Variants in SRGAP1 observed in about 807,000 individuals in gnomAD.
SRGAP1 encodes SLIT-ROBO Rho GTPase activating protein 1, also known as SLIT-ROBO Rho GTPase-activating protein 1.
A neutral mutation model predicts 121.9 loss-of-function variants in SRGAP1; 43 were observed. The ratio of observed to expected loss-of-function variants is 0.35; its 90% CI spans 0.28 to 0.46. The LOEUF (loss-of-function observed/expected upper bound fraction) is 0.46. Among genes scored for constraint, SRGAP1 ranks in the 20% least tolerant of loss-of-function variants. The probability of loss-of-function intolerance (pLI) is 1.00; values close to 1 mark genes in which losing one functional copy is unlikely to be tolerated. For synonymous variants in SRGAP1, 447 were observed against 485.4 expected (o/e 0.92, Z 1.04); for missense variants, 1,102 against 1,350.9 (o/e 0.82, Z 2.89).
chr12:63,931,318 T>G (rs1170545960), intron 1 of SRGAP1, among the ~76,000 whole-genome samples: 1 of 152,208 alleles, frequency 6.6e-6, no homozygotes, highest in Non-Finnish European at 1.5e-5. Context: ...CTAAATGGAT[T>G]AAAATTGCCT....
chr12:64,043,070 G>A lies in SRGAP1; in HGVS notation c.672+98G>A, dbSNP rs773463774. 3 of 849,680 alleles carry A rather than the reference G, an allele frequency of 3.5e-6. No homozygotes were observed. In the African/African-American group the frequency reaches 5.1e-5, roughly 14 times the overall value. 52.6% of individuals were successfully genotyped at this position (849,680 alleles called of 1,614,324 possible). Reference sequence around the variant, plus strand: ...TGATATCCACACATTGTAAGTTATTGTGAAAAGACATGCATTTCCTCCCAT... The same window carrying A: ...TGATATCCACACATTGTAAGTTATTATGAAAAGACATGCATTTCCTCCCAT... On this transcript the variant is annotated intron_variant, in intron 5 of 21. Coordinates refer to ENST00000355086, the MANE Select transcript of SRGAP1 (RefSeq NM_020762.4).
At chr12:64,040,467 C>T (rs1347264005) in intron 4 of SRGAP1, among the ~76,000 whole-genome samples, 1 of 152,082 alleles carries the variant, frequency 6.6e-6, no homozygotes, top group Non-Finnish European at 1.5e-5. Context: ...CACTGGGTGC[C>T]GAGTTCGGGT....
chr12:64,134,811 G>T (rs1280426979), intron 21 of SRGAP1, among the ~76,000 whole-genome samples: 5 of 152,070 alleles, frequency 3.3e-5, no homozygotes. Flanking sequence ...TCCCATGCCT[G>T]TTATCCAGAT....
At chr12:63,861,775 C>T (rs1387243772) in intron 1 of SRGAP1, among the ~76,000 whole-genome samples, 2 of 151,980 alleles carry the variant, frequency 1.3e-5, no homozygotes, top group Non-Finnish European at 2.9e-5. Flanking sequence ...TTGCTTGAGT[C>T]CAGGAATTTG....
intron 11 of SRGAP1, among the ~76,000 whole-genome samples, chr12:64,088,375 C>CTG (rs1266772676): frequency 6.6e-6 from 1 of 152,134 alleles, no homozygotes; most frequent in African/African-American, 2.4e-5. Context: ...ATTATAATTA[C>CTG]TGTAAGGCAC....
chr12:63,950,914 T>C (rs2032269091), intron 1 of SRGAP1, among the ~76,000 whole-genome samples: 1 of 151,526 alleles, frequency 6.6e-6, no homozygotes, highest in Non-Finnish European at 1.5e-5. Flanking sequence ...CATTATGCAT[T>C]AGTTGCCCCA....
chr12:64,107,820 T>C (rs2036369087), intron 15 of SRGAP1, among the ~76,000 whole-genome samples: 1 of 152,168 alleles, frequency 6.6e-6, no homozygotes, highest in African/African-American at 2.4e-5. Flanking sequence ...TTGGAAATAT[T>C]TTCTCAAATG....
chr12:63,990,701 C>T (rs1406638741), intron 3 of SRGAP1, among the ~76,000 whole-genome samples: 1 of 152,246 alleles, frequency 6.6e-6, no homozygotes, highest in African/African-American at 2.4e-5. Flanking sequence ...TGTACCTCTG[C>T]CCAGGAACGG....
At chr12:63,987,785 G>GA (rs1593008479) in intron 2 of SRGAP1, among the ~76,000 whole-genome samples, 1 of 152,272 alleles carries the variant, frequency 6.6e-6, no homozygotes, top group East Asian at 1.9e-4. Context: ...TAGTAATAAG[G>GA]ATTAAGTAGA....
At chr12:64,027,831 C>T (rs750802698) in intron 4 of SRGAP1, among the ~76,000 whole-genome samples, 1 of 151,508 alleles carries the variant, frequency 6.6e-6, no homozygotes, top group Non-Finnish European at 1.5e-5. Flanking sequence ...TGTCAATTTC[C>T]GAACCACTTT....
chr12:64,044,966 C>T (rs139192564), intron 6 of SRGAP1, among the ~76,000 whole-genome samples: 105 of 152,110 alleles, frequency 6.9e-4, no homozygotes, highest in Middle Eastern at 3.4e-3. Flanking sequence ...AGGCCTGAGC[C>T]ACTGTGCCTG....
chr12:63,892,152 G>A (rs555902011), intron 1 of SRGAP1, among the ~76,000 whole-genome samples: 2 of 152,112 alleles, frequency 1.3e-5, no homozygotes, highest in African/African-American at 4.8e-5. Context: ...AAACAAAATA[G>A]ATAAATAAGT....
chr12:63,991,306 G>A (rs1419712875), intron 3 of SRGAP1, among the ~76,000 whole-genome samples: 1 of 152,140 alleles, frequency 6.6e-6, no homozygotes, highest in Non-Finnish European at 1.5e-5. Flanking sequence ...GTTTCAGAGA[G>A]GCTCCTTAAA....
At chr12:63,998,408 A>G (rs1055736988) in intron 3 of SRGAP1, among the ~76,000 whole-genome samples, 3 of 152,178 alleles carry the variant, frequency 2.0e-5, no homozygotes, top group African/African-American at 7.2e-5. Flanking sequence ...AGTGGGTCCT[A>G]GTAGTAACCT....
At chr12:64,018,533 A>T (rs1040794752) in intron 4 of SRGAP1, among the ~76,000 whole-genome samples, 2 of 152,206 alleles carry the variant, frequency 1.3e-5, no homozygotes, top group African/African-American at 4.8e-5. Flanking sequence ...GATACTTACT[A>T]ATTAAACTTG....
At chr12:63,906,476 G>T (rs1426641595) in intron 1 of SRGAP1, among the ~76,000 whole-genome samples, 1 of 151,944 alleles carries the variant, frequency 6.6e-6, no homozygotes, top group African/African-American at 2.4e-5. Context: ...ACCACGCCCG[G>T]CTAATTTTTT....
intron 1 of SRGAP1, among the ~76,000 whole-genome samples, chr12:63,934,183 G>A (rs2031578769): frequency 6.6e-6 from 1 of 152,160 alleles, no homozygotes; most frequent in African/African-American, 2.4e-5. Flanking sequence ...CCACATGGAA[G>A]CTCTGCACTT....
In SRGAP1 at chr12:64,132,339, C is replaced by T. The variant is rs569990806; in HGVS notation, c.2880+4139C>T. Among the ~76,000 whole-genome samples the T allele has an allele frequency of 1.5e-3, 226 of 152,298 alleles. 1 individual carries two copies. Among genetic ancestry groups the T allele is most frequent in the African/African-American group, 5.3e-3 (219 of 41,578 alleles). ...CCATTGGATCTGATGGGTCATATGG[C>T]CCAAGTGGCAGAGCAGCTTGCACAG... is the stretch of plus-strand genomic sequence containing the variant. On this transcript the variant is annotated intron_variant, in intron 21 of 21. Coordinates refer to ENST00000355086, the MANE Select transcript of SRGAP1 (RefSeq NM_020762.4).
intron 1 of SRGAP1, among the ~76,000 whole-genome samples, chr12:63,877,632 TATTAA>T (rs1433114111): frequency 1.3e-5 from 2 of 152,224 alleles, no homozygotes; most frequent in Non-Finnish European, 2.9e-5. Flanking sequence ...TTGCCAAAAA[TATTAA>T]ATTATCATTT....
Sources: gnomAD v4.1 joint callset for allele counts (sites outside exome capture counted in the v4.1 genomes callset) on GRCh38, gnomAD v4.1.1 for gene constraint, MANE v1.5 for transcripts, NCBI Gene and HGNC (gene_info 2026-07-23, HGNC 2026-07-21) for gene names.